The following GRAMD1C variants were observed in gnomAD, a reference collection of about 807,000 sequenced individuals.
GRAMD1C encodes protein Aster-C.
Under a neutral mutation model 97.8 loss-of-function variants are expected in GRAMD1C, and 89 were observed. The observed-to-expected ratio is 0.91, with a 90% confidence interval of 0.77 to 1.09. GRAMD1C has a LOEUF of 1.09. Among genes scored for constraint, GRAMD1C ranks in the 50% least tolerant of loss-of-function variants. The pLI, the probability that GRAMD1C is intolerant of heterozygous loss-of-function variation, is 0.00. For missense variants in GRAMD1C, 740 were observed against 766.4 expected, an observed-to-expected ratio of 0.97 and a Z score of 0.41; for synonymous variants, 256 against 267.0, an observed-to-expected ratio of 0.96 and a Z score of 0.40.
rs560485651 is a variant in GRAMD1C, at chr3:113,880,415, C to CT, written c.460-2329dup. On this transcript the variant is annotated intron_variant, in intron 5 of 17. Transcript: ENST00000358160. The stretch of plus-strand genomic sequence containing the variant: ...TTACATGTGTTGTTTTTCGGCTCTC[C>CT]TTTTTTTTAAAAAAACAACATTATC... Among the ~76,000 whole-genome samples, 293 of 151,462 alleles carry CT rather than the reference C, an allele frequency of 1.9e-3. 5 individuals carry two copies. The South Asian group carries it at 0.022, about 11-fold the overall frequency.
intron 6 of GRAMD1C, among the ~76,000 whole-genome samples, chr3:113,893,790 C>T (rs989130447): frequency 4.6e-5 from 7 of 152,180 alleles, no homozygotes; most frequent in African/African-American, 1.7e-4. Context: ...TTACGTGTAA[C>T]AGATGATCAA....
At chr3:113,846,136 C>T (rs1022269426) in intron 2 of GRAMD1C, among the ~76,000 whole-genome samples, 3 of 149,094 alleles carry the variant, frequency 2.0e-5, no homozygotes, top group Admixed American at 6.7e-5. Flanking sequence ...GGCAGAGTTT[C>T]GCTCTTGTCA....
chr3:113,941,792 T>C (rs1280926728), intron 17 of GRAMD1C, among the ~76,000 whole-genome samples: 2 of 152,130 alleles, frequency 1.3e-5, no homozygotes, highest in Non-Finnish European at 2.9e-5. Flanking sequence ...TTAATTTTTG[T>C]ATTTTTAGTA....
chr3:113,941,351 A>G (rs954916771), intron 17 of GRAMD1C, among the ~76,000 whole-genome samples: 1 of 152,012 alleles, frequency 6.6e-6, no homozygotes, highest in African/African-American at 2.4e-5. Flanking sequence ...ATTTTTCTTG[A>G]GTCATATAGT....
upstream of GRAMD1C, among the ~76,000 whole-genome samples, chr3:113,834,800 C>T (rs946803053): frequency 2.7e-5 from 4 of 150,310 alleles, no homozygotes; most frequent in East Asian, 2.0e-4. Flanking sequence ...ATTAGCTGGG[C>T]GTGGTGGTGG....
intron 2 of GRAMD1C, among the ~76,000 whole-genome samples, chr3:113,855,003 T>C (rs1325422587): frequency 6.6e-6 from 1 of 152,184 alleles, no homozygotes; most frequent in Non-Finnish European, 1.5e-5. Context: ...TTAGATATGA[T>C]CTGTGCACAT....
intron 2 of GRAMD1C, among the ~76,000 whole-genome samples, chr3:113,855,472 G>C (rs1934085437): frequency 6.6e-6 from 1 of 152,172 alleles, no homozygotes; most frequent in South Asian, 2.1e-4. Flanking sequence ...GGGAGGCCAA[G>C]GCGGGTGGAT....
chr3:113,864,139 G>A (rs1032968582), intron 2 of GRAMD1C, among the ~76,000 whole-genome samples: 1 of 152,092 alleles, frequency 6.6e-6, no homozygotes, highest in African/African-American at 2.4e-5. Context: ...TTGAGATGGA[G>A]TCTCACTCTG....
chr3:113,871,364 T>C (rs1449320971), intron 3 of GRAMD1C, among the ~76,000 whole-genome samples: 2 of 152,124 alleles, frequency 1.3e-5, no homozygotes, highest in Admixed American at 6.6e-5. Flanking sequence ...TTAGTATATA[T>C]TTAATTGAAA....
chr3:113,941,592 A>G (rs1476208104), intron 17 of GRAMD1C, among the ~76,000 whole-genome samples: 5 of 150,780 alleles, frequency 3.3e-5, no homozygotes, highest in Non-Finnish European at 5.9e-5. Context: ...CATTTTTCTG[A>G]ATGATTTCTT....
chr3:113,850,779 A>C (rs562709475), intron 2 of GRAMD1C: 1 of 827,222 alleles, frequency 1.2e-6, no homozygotes, highest in African/African-American at 1.8e-5. Context: ...GATATACTTA[A>C]TTTTTTTTTT....
intron 1 of GRAMD1C, among the ~76,000 whole-genome samples, chr3:113,832,532 T>C (rs999245301): frequency 6.6e-6 from 1 of 152,178 alleles, no homozygotes; most frequent in African/African-American, 2.4e-5. Context: ...TGTGTAATGA[T>C]CACATCTCCA....
intron 7 of GRAMD1C, 81 bp from the exon 8 acceptor site, chr3:113,904,059 G>C: frequency 1.0e-6 from 1 of 989,248 alleles, no homozygotes; most frequent in Non-Finnish European, 1.5e-6. Context: ...TTTATCATAG[G>C]AAATGACCTC....
At chr3:113,853,741 A>G (rs1048454093) in intron 2 of GRAMD1C, among the ~76,000 whole-genome samples, 1 of 152,250 alleles carries the variant, frequency 6.6e-6, no homozygotes, top group African/African-American at 2.4e-5. Flanking sequence ...TCAGGTAGTG[A>G]TAGAAGCTAT....
rs1936277413 is a variant in GRAMD1C at position 113,904,297 on chromosome 3, A to T, written c.789+25A>T. The T allele has an allele frequency of 4.8e-6, 7 of 1,459,714 alleles. No homozygotes were observed. In the Admixed American group the frequency reaches 1.0e-4, roughly 21 times the overall value. 90.4% of individuals were successfully genotyped at this position (1,459,714 alleles called of 1,614,324 possible). On this transcript the variant is annotated intron_variant, in intron 8 of 17. Coordinates refer to ENST00000358160, the MANE Select transcript of GRAMD1C (RefSeq NM_017577.5). ...AGTTAGTATATGATATCCCTTTTAA[A>T]ATATATCTGGTACTGTCATGTCCTA...
intron 5 of GRAMD1C, 59 bp downstream of exon 5, chr3:113,876,319 C>T: frequency 1.2e-6 from 1 of 833,324 alleles, no homozygotes; most frequent in Non-Finnish European, 2.0e-6. Context: ...CCCTCATACT[C>T]ATCATCAATG....
chr3:113,877,666 T>C (rs1313362272), intron 5 of GRAMD1C, among the ~76,000 whole-genome samples: 1 of 152,178 alleles, frequency 6.6e-6, no homozygotes, highest in Non-Finnish European at 1.5e-5. Flanking sequence ...AGATGGCACA[T>C]GATTTTAACT....
intron 17 of GRAMD1C, among the ~76,000 whole-genome samples, chr3:113,944,086 C>T (rs114048699): frequency 0.026 from 3,929 of 152,202 alleles, 180 homozygotes; most frequent in African/African-American, 0.089. Context: ...TGACTCCTGT[C>T]TTAGTCCATT....
At chr3:113,838,619 C>G (rs549396327), upstream of GRAMD1C, 8 of 345,766 alleles carry the variant, frequency 2.3e-5, no homozygotes, top group Non-Finnish European at 4.1e-5. Context: ...CCTTTTCGCA[C>G]ATTGGGGCAG....
Sources: allele counts gnomAD v4.1 joint callset (sites outside exome capture counted in the v4.1 genomes callset), GRCh38; gene constraint gnomAD v4.1.1; transcripts MANE v1.5; gene names NCBI Gene and HGNC (gene_info 2026-07-23, HGNC 2026-07-21).